The following DCDC2 variants were observed in gnomAD, a reference collection of about 807,000 sequenced individuals.
DCDC2 encodes doublecortin domain-containing protein 2.
A neutral mutation model predicts 50.2 loss-of-function variants in DCDC2; 40 were observed. The ratio of observed to expected loss-of-function variants is 0.80; its 90% confidence interval spans 0.62 to 1.04. The LOEUF is 1.04. Among genes scored for constraint, DCDC2 ranks in the 50% least tolerant of loss-of-function variants. The pLI is 0.00. For synonymous variants in DCDC2, 234 were observed against 210.6 expected (o/e 1.11, Z -0.96); for missense variants, 570 against 581.9 (o/e 0.98, Z 0.21).
chr6:24,296,090 A>C (rs956072739), intron 4 of DCDC2, among the ~76,000 whole-genome samples: 2 of 152,254 alleles, frequency 1.3e-5, no homozygotes, highest in African/African-American at 4.8e-5. Flanking sequence ...ACATGGATTC[A>C]GTAACCAAAA....
At chr6:24,340,292 A>G (rs1263624376) in intron 2 of DCDC2, among the ~76,000 whole-genome samples, 1 of 152,204 alleles carries the variant, frequency 6.6e-6, no homozygotes, top group Admixed American at 6.5e-5. Flanking sequence ...CTAATAGGTG[A>G]GGAAAGTCAA....
In DCDC2 at chr6:24,284,484, C is replaced by T. The variant is rs549359759; in HGVS notation, c.759+4368G>A. Among the ~76,000 whole-genome samples, 528 of 151,536 alleles carry T rather than the reference C, an allele frequency of 3.5e-3. 2 individuals carry two copies. Among genetic ancestry groups the T allele is most frequent in the African/African-American group, 0.012 (488 of 41,306 alleles). ...AAAATTAGCCAGGCATGGTGGCGGG[C>T]GCCTGTAATCCCAGCTACTCGGGAG... On this transcript the variant is annotated intron_variant, in intron 6 of 9. Transcript: ENST00000378454.
At position 24,174,228 on chromosome 6, in the gene DCDC2, C is replaced by A. The variant is rs1760850280; in HGVS notation, c.*502G>T. Reference sequence around the variant, plus strand: ...GGAGGAAGAAAGAAAGGCATGTTAACAAGTCATGGACACATTTTGATCTAC... The same window carrying A: ...GGAGGAAGAAAGAAAGGCATGTTAAAAAGTCATGGACACATTTTGATCTAC... On this transcript the variant is annotated 3_prime_UTR_variant, in exon 10 of 10. Coordinates refer to ENST00000378454, the MANE Select transcript of DCDC2 (RefSeq NM_016356.5). 6.5e-6 allele frequency: 1 copy of A among 152,728 alleles called. No individual in the cohort carries two copies. The highest frequency in any genetic ancestry group is 2.4e-5 in the African/African-American group (1 of 41,454). 9.5% of individuals were successfully genotyped at this position (152,728 alleles called of 1,614,324 possible).
chr6:24,280,796 T>C (rs138586542), intron 6 of DCDC2, among the ~76,000 whole-genome samples: 318 of 152,220 alleles, frequency 2.1e-3, no homozygotes, highest in African/African-American at 7.3e-3. Flanking sequence ...CACCTCAGCC[T>C]CCCAAAGTGC....
At chr6:24,281,107 G>A (rs17302512) in intron 6 of DCDC2, among the ~76,000 whole-genome samples, 18,130 of 152,022 alleles carry the variant, frequency 0.12, 1,086 homozygotes, top group East Asian at 0.17. Flanking sequence ...TGAATAGACA[G>A]GAAAGTTCCG....
chr6:24,236,026 A>G (rs1762434216), intron 7 of DCDC2, among the ~76,000 whole-genome samples: 1 of 152,224 alleles, frequency 6.6e-6, no homozygotes, highest in Non-Finnish European at 1.5e-5. Flanking sequence ...CACAATGCCC[A>G]AAGCAATTTA....
At chr6:24,179,995 A>C (rs1581570124) in intron 8 of DCDC2, among the ~76,000 whole-genome samples, 1 of 149,770 alleles carries the variant, frequency 6.7e-6, no homozygotes, top group Admixed American at 6.6e-5. Context: ...AGGGAACAGG[A>C]GGCCAGCTTT....
At chr6:24,219,276 G>T (rs956006567) in intron 7 of DCDC2, among the ~76,000 whole-genome samples, 1 of 152,108 alleles carries the variant, frequency 6.6e-6, no homozygotes, top group African/African-American at 2.4e-5. Flanking sequence ...TGATGATGAT[G>T]ATTAATACTT....
At chr6:24,185,634 A>T (rs1171757597) in intron 8 of DCDC2, among the ~76,000 whole-genome samples, 1 of 151,898 alleles carries the variant, frequency 6.6e-6, no homozygotes, top group Non-Finnish European at 1.5e-5. Flanking sequence ...CAGTGTACAC[A>T]TCAATCAAAT....
At chr6:24,375,090 C>G in the DCDC2 span, among the ~76,000 whole-genome samples, 150,134 of 152,312 alleles carry the variant, frequency 0.99, 74,021 homozygotes, top group East Asian at 1. Context: ...TCATCTGCTG[C>G]AGCTTAATTC....
At chr6:24,176,179 C>A (rs2113736446) in intron 9 of DCDC2, among the ~76,000 whole-genome samples, 1 of 152,170 alleles carries the variant, frequency 6.6e-6, no homozygotes, top group South Asian at 2.1e-4. Context: ...CCTGTGGGCC[C>A]AGCTATCACA....
chr6:24,376,431 G>C, the DCDC2 span, among the ~76,000 whole-genome samples: 1 of 152,128 alleles, frequency 6.6e-6, no homozygotes, highest in Admixed American at 6.5e-5. Context: ...TCCCATAGCG[G>C]TAACAGTGCC....
intron 9 of DCDC2, among the ~76,000 whole-genome samples, chr6:24,176,920 T>C (rs934769784): frequency 5.9e-5 from 9 of 152,242 alleles, no homozygotes; most frequent in Non-Finnish European, 1.3e-4. Flanking sequence ...GGTTTATTCA[T>C]GTCATTGCAA....
At chr6:24,346,832 T>A (rs1157865040) in intron 2 of DCDC2, among the ~76,000 whole-genome samples, 1 of 151,606 alleles carries the variant, frequency 6.6e-6, no homozygotes, top group African/African-American at 2.4e-5. Context: ...AAGAATTTCA[T>A]CTCTGGGTTG....
At chr6:24,366,544 T>C in the DCDC2 span, among the ~76,000 whole-genome samples, 1 of 152,214 alleles carries the variant, frequency 6.6e-6, no homozygotes. Context: ...GTTAGTATCA[T>C]GGTAAACATT....
chr6:24,349,834 T>C (rs1330966000), intron 2 of DCDC2, among the ~76,000 whole-genome samples: 1 of 152,108 alleles, frequency 6.6e-6, no homozygotes, highest in Non-Finnish European at 1.5e-5. Context: ...GGAGATCTGT[T>C]TATTTAGATA....
intron 2 of DCDC2, among the ~76,000 whole-genome samples, chr6:24,325,682 A>G (rs1759846349): frequency 6.7e-6 from 1 of 149,498 alleles, no homozygotes; most frequent in Admixed American, 6.7e-5. Context: ...GTTTTAATAT[A>G]ACATACTAGA....
chr6:24,316,274 A>G (rs977917319), intron 2 of DCDC2, among the ~76,000 whole-genome samples: 2 of 152,164 alleles, frequency 1.3e-5, no homozygotes, highest in Non-Finnish European at 2.9e-5. Flanking sequence ...TCAGCAACGA[A>G]GAGAGTAGAA....
chr6:24,353,427 T>C, intron 2 of DCDC2, 142 bp downstream of exon 2: 1 of 661,710 alleles, frequency 1.5e-6, no homozygotes, highest in Non-Finnish European at 2.8e-6. Flanking sequence ...AAGAATTATC[T>C]TTGCCTTAAA....
Sources: allele counts gnomAD v4.1 joint callset (sites outside exome capture counted in the v4.1 genomes callset), GRCh38; gene constraint gnomAD v4.1.1; transcripts MANE v1.5; gene names NCBI Gene and HGNC (gene_info 2026-07-23, HGNC 2026-07-21).